Variants in BMPR1B observed in about 807,000 individuals in gnomAD.
BMPR1B encodes bone morphogenetic protein receptor type-1B.
BMPR1B carries 12 observed loss-of-function variants against 59.1 expected under a neutral mutation model. That is an observed-to-expected ratio of 0.20 (90% confidence interval 0.13 to 0.33). The LOEUF (loss-of-function observed/expected upper bound fraction) is 0.33, where lower values mean the gene tolerates loss of function less well. BMPR1B is among the 10% of genes least tolerant of loss of function. The pLI, the probability that BMPR1B is intolerant of heterozygous loss-of-function variation, is 1.00. For missense variants in BMPR1B, 550 were observed against 610.9 expected, an observed-to-expected ratio of 0.90 and a Z score of 1.05; for synonymous variants, 237 against 207.3, an observed-to-expected ratio of 1.14 and a Z score of -1.23.
chr4:95,035,958 G>C (rs775497952), intron 3 of BMPR1B, among the ~76,000 whole-genome samples: 5 of 152,056 alleles, frequency 3.3e-5, no homozygotes, highest in Non-Finnish European at 7.4e-5. Flanking sequence ...GATTTTTTCA[G>C]CAGAGTTTTG....
chr4:94,902,087 G>GTGTGTGTGT (rs1491111955), intron 2 of BMPR1B, among the ~76,000 whole-genome samples: 6 of 128,580 alleles, frequency 4.7e-5, no homozygotes, highest in African/African-American at 1.6e-4. Flanking sequence ...GTGTGTGTGT[G>GTGTGTGTGT]GGGTGTATTT....
At chr4:95,033,664 A>G (rs975304308) in intron 3 of BMPR1B, among the ~76,000 whole-genome samples, 1 of 152,290 alleles carries the variant, frequency 6.6e-6, no homozygotes, top group Middle Eastern at 3.4e-3. Flanking sequence ...TTGGAGACAT[A>G]CTAAGTAAGT....
At chr4:94,955,374 A>T (rs1314672468) in intron 2 of BMPR1B, among the ~76,000 whole-genome samples, 9 of 152,190 alleles carry the variant, frequency 5.9e-5, no homozygotes, top group African/African-American at 1.7e-4. Flanking sequence ...AAAATCTAGG[A>T]TGTGTAGTCA....
Position 95,125,044 on chromosome 4 carries a change from A to T in BMPR1B, c.508A>T (p.Ile170Phe), listed in dbSNP as rs778170724. 3.7e-6 allele frequency: 6 copies of T among 1,613,540 alleles called. No individual in the cohort carries two copies. The South Asian group carries it at 5.5e-5, about 15-fold the overall frequency. Residue 170 changes from isoleucine to phenylalanine, a missense_variant, in exon 8 of 13, where the codon ATT (isoleucine) becomes TTT (phenylalanine). Physicochemically the swap from Ile to Phe is conservative, Grantham distance 21 (BLOSUM62 0). Transcript: ENST00000515059. The stretch of plus-strand genomic sequence containing the variant: ...TGGGTTAGAACAGGATGAAACTTAC[A>T]TTCCTCCTGGAGAATCCCTGAGAGA... Reference protein sequence around the residue: ...SIGLEQDETYIPPGESLRDLI... With the variant: ...SIGLEQDETYFPPGESLRDLI...
chr4:94,998,314 A>G (rs1722198843), intron 3 of BMPR1B, among the ~76,000 whole-genome samples: 1 of 151,628 alleles, frequency 6.6e-6, no homozygotes, highest in South Asian at 2.1e-4. Context: ...TAGCCTCCTC[A>G]TGGATCTCAC....
rs72874695 is a variant in BMPR1B at position 95,065,836 on chromosome 4, A to G, written c.-17-38572A>G. On this transcript the variant is annotated intron_variant, in intron 3 of 12. Transcript: ENST00000515059. ...ACGTTGTTTGCTTTCTTCAATATCA[A>G]TTATAATAATATTTTATCTTTAAAA... Among the ~76,000 whole-genome samples, 109 of 152,316 alleles carry G rather than the reference A, an allele frequency of 7.2e-4. 1 individual carries two copies. The highest frequency in any genetic ancestry group is 2.5e-3 in the African/African-American group (106 of 41,590).
intron 8 of BMPR1B, 48 bp downstream of exon 8, chr4:95,125,169 A>C (rs1336919156): frequency 6.8e-6 from 11 of 1,607,458 alleles, no homozygotes; most frequent in Non-Finnish European, 9.4e-6. Context: ...TTTCTGAAAG[A>C]ACTGTCAATG....
chr4:94,877,242 G>A (rs1302649800), intron 2 of BMPR1B, among the ~76,000 whole-genome samples: 1 of 152,200 alleles, frequency 6.6e-6, no homozygotes, highest in Non-Finnish European at 1.5e-5. Context: ...TTGGGTTGCT[G>A]TCTCTTTCCA....
intron 6 of BMPR1B, among the ~76,000 whole-genome samples, chr4:95,119,150 A>G (rs1324833166): frequency 2.0e-5 from 3 of 152,182 alleles, no homozygotes; most frequent in Admixed American, 6.5e-5. Context: ...TGACATTATA[A>G]TTATGTGGAT....
At chr4:95,121,175 T>C (rs1324737553) in intron 6 of BMPR1B, among the ~76,000 whole-genome samples, 1 of 152,212 alleles carries the variant, frequency 6.6e-6, no homozygotes, top group Non-Finnish European at 1.5e-5. Flanking sequence ...CACTCCCATT[T>C]ACAATAGCCA....
At chr4:95,120,718 T>C (rs1732449147) in intron 6 of BMPR1B, among the ~76,000 whole-genome samples, 1 of 149,704 alleles carries the variant, frequency 6.7e-6, no homozygotes, top group Non-Finnish European at 1.5e-5. Flanking sequence ...TCTCTCTCTT[T>C]CTCTCTCTCT....
chr4:94,908,103 A>C (rs1728128978), intron 2 of BMPR1B, among the ~76,000 whole-genome samples: 1 of 150,594 alleles, frequency 6.6e-6, no homozygotes, highest in Admixed American at 6.6e-5. Context: ...AAAAACAAAA[A>C]AAAGTAAAGG....
chr4:94,972,376 A>G (rs918395966), intron 2 of BMPR1B, among the ~76,000 whole-genome samples: 3 of 152,152 alleles, frequency 2.0e-5, no homozygotes, highest in Admixed American at 6.5e-5. Context: ...CATAGACACT[A>G]TAAGGGAAAA....
At chr4:95,093,281 A>T (rs1016372969) in intron 3 of BMPR1B, among the ~76,000 whole-genome samples, 2 of 152,110 alleles carry the variant, frequency 1.3e-5, no homozygotes, top group Admixed American at 6.6e-5. Flanking sequence ...TTTAATTTAT[A>T]TAAACATTTT....
At chr4:94,876,822 G>A (rs749340864) in intron 2 of BMPR1B, among the ~76,000 whole-genome samples, 22 of 151,872 alleles carry the variant, frequency 1.4e-4, no homozygotes, top group Non-Finnish European at 2.5e-4. Flanking sequence ...CTTCTTAATG[G>A]GTTTGACTTT....
chr4:95,068,074 T>C lies in BMPR1B; in HGVS notation c.-17-36334T>C, dbSNP rs1459252816. ...ACAGGGTTTAGTGTCACTGCAGAGT[T>C]GGAGGTGAGGGGTAGTGAGCAGCTA... is the stretch of plus-strand genomic sequence containing the variant. On this transcript the variant is annotated intron_variant, in intron 3 of 12. Transcript: ENST00000515059. Among the ~76,000 whole-genome samples the C allele has an allele frequency of 1.5e-4, 23 of 152,124 alleles. 1 individual carries two copies. The highest frequency in any genetic ancestry group is 2.9e-5 in the Non-Finnish European group (2 of 68,022).
chr4:95,050,326 G>T (rs1726404423), intron 3 of BMPR1B, among the ~76,000 whole-genome samples: 2 of 152,152 alleles, frequency 1.3e-5, no homozygotes, highest in Admixed American at 6.5e-5. Context: ...TCTGTGAAAT[G>T]CAGAATGTGT....
intron 2 of BMPR1B, among the ~76,000 whole-genome samples, chr4:94,895,680 TA>T (rs900164817): frequency 2.0e-5 from 3 of 149,626 alleles, no homozygotes; most frequent in South Asian, 2.1e-4. Context: ...TTTTTTTTTT[TA>T]AAAATAGGCT....
chr4:94,965,202 T>C (rs1730508980), intron 2 of BMPR1B, among the ~76,000 whole-genome samples: 1 of 152,150 alleles, frequency 6.6e-6, no homozygotes, highest in Non-Finnish European at 1.5e-5. Context: ...ATTCTTGCCA[T>C]ATGTACGTTA....
Sources: allele counts gnomAD v4.1 joint callset (sites outside exome capture counted in the v4.1 genomes callset), GRCh38; gene constraint gnomAD v4.1.1; transcripts MANE v1.5; gene names NCBI Gene and HGNC (gene_info 2026-07-23, HGNC 2026-07-21).